GABRB2: variants seen among roughly 807,000 people sequenced by gnomAD.
GABRB2 encodes the protein gamma-aminobutyric acid type A receptor subunit beta2, also known as gamma-aminobutyric acid receptor subunit beta-2.
A neutral mutation model predicts 54.7 loss-of-function variants in GABRB2; 16 were observed. The observed-to-expected ratio is 0.29, with a 90% CI of 0.20 to 0.44. The LOEUF is 0.44. Ranked by LOEUF, GABRB2 falls within the 20% of genes least tolerant of loss-of-function variation. GABRB2 has a pLI of 1.00. For missense variants in GABRB2, 355 were observed against 644.0 expected (o/e 0.55, Z 4.86); for synonymous variants, 244 against 233.8 (o/e 1.04, Z -0.40).
chr5:161,512,761 C>T (rs1167887423), intron 3 of GABRB2, among the ~76,000 whole-genome samples: 1 of 151,902 alleles, frequency 6.6e-6, no homozygotes, highest in Non-Finnish European at 1.5e-5. Context: ...AAAGGATTGA[C>T]AGAGTAAACA....
At chr5:161,543,893 G>A (rs540564652) in intron 3 of GABRB2, among the ~76,000 whole-genome samples, 1 of 152,280 alleles carries the variant, frequency 6.6e-6, no homozygotes, top group African/African-American at 2.4e-5. Context: ...TATATTGCAT[G>A]TGATAAAAAC....
rs928501153 is a variant in GABRB2, at chr5:161,304,480, G to C, written c.1192-10052C>G. On this transcript the variant is annotated intron_variant, in intron 9 of 9. Transcript: ENST00000393959. ...AGTATTTCTTTTCCACACTGTGTAG[G>C]CCTTGCTGTGGCAACTTCTCTAGTA... is the stretch of plus-strand genomic sequence containing the variant. Among the ~76,000 whole-genome samples the C allele has an allele frequency of 4.3e-4, 65 of 152,122 alleles. 1 individual carries two copies. The highest frequency in any genetic ancestry group is 4.1e-3 in the Admixed American group (63 of 15,274).
chr5:161,334,218 TCTC>T lies in GABRB2; in HGVS notation c.832+531_832+533del, dbSNP rs1209816209. Among the ~76,000 whole-genome samples, 7 of 152,224 alleles carry T rather than the reference TCTC, an allele frequency of 4.6e-5. No homozygotes were observed. The South Asian group carries it at 8.3e-4, about 18-fold the overall frequency. On this transcript the variant is annotated intron_variant, in intron 7 of 9. Transcript: ENST00000393959. ...AAAATGTTCATGAAATGTAATTTAT[TCTC>T]CTTTTGTGTTTGTTAGAAAAAAACA...
intron 5 of GABRB2, among the ~76,000 whole-genome samples, chr5:161,407,089 A>G (rs1448270270): frequency 2.6e-5 from 4 of 152,132 alleles, no homozygotes; most frequent in Non-Finnish European, 5.9e-5. Context: ...TGAGCAGCTT[A>G]GTTTAGAGAA....
Position 161,291,177 on chromosome 5 carries a change from T to A in GABRB2, c.*2904A>T, listed in dbSNP as rs751347153. ...TTGAGATCAAAGATTTCATGTAGAC[T>A]GTGCATTTTAGAGTCAGAATTTGTC... On this transcript the variant is annotated 3_prime_UTR_variant, in exon 10 of 10. Coordinates refer to ENST00000393959, the MANE Select transcript of GABRB2 (RefSeq NM_001371727.1). The A allele has an allele frequency of 1.2e-4, 19 of 152,560 alleles. No individual in the cohort carries two copies. Among genetic ancestry groups the A allele is most frequent in the Non-Finnish European group, 2.1e-4 (14 of 68,004 alleles). 9.5% of individuals were successfully genotyped at this position (152,560 alleles called of 1,614,324 possible). A position where few individuals can be genotyped will look rare whatever the true frequency, so the allele number is the denominator to read the frequency against.
At chr5:161,447,031 G>A (rs1176710740) in intron 4 of GABRB2, among the ~76,000 whole-genome samples, 1 of 152,100 alleles carries the variant, frequency 6.6e-6, no homozygotes, top group African/African-American at 2.4e-5. Flanking sequence ...GTCAAGGCTG[G>A]TACCAGCAGT....
chr5:161,298,352 C>A lies in GABRB2; in HGVS notation c.1192-3924G>T, dbSNP rs1297077817. On this transcript the variant is annotated intron_variant, in intron 9 of 9. Transcript: ENST00000393959. ...GCATTTTAATCATGAAATCTTTGCC[C>A]GTGCCTATATTATTTACTTTATTTC... Among the ~76,000 whole-genome samples the A allele has an allele frequency of 2.0e-5, 3 of 152,036 alleles. No individual in the cohort carries two copies. The South Asian group carries it at 6.2e-4, about 32-fold the overall frequency.
rs147403209 is a variant in GABRB2 at position 161,402,710 on chromosome 5, G to A, written c.541+8265C>T. On this transcript the variant is annotated intron_variant, in intron 5 of 9. Transcript: ENST00000393959. ...TGCACCAGCAGTATCTGTATGGCCT[G>A]GGAATTTGTTAGAAATGCACATTCT... Among the ~76,000 whole-genome samples, 611 of 152,246 alleles carry A rather than the reference G, an allele frequency of 4.0e-3. 5 individuals are homozygous for A. Among genetic ancestry groups the A allele is most frequent in the African/African-American group, 0.013 (531 of 41,548 alleles).
At chr5:161,337,429 C>G (rs1378043998) in intron 5 of GABRB2, among the ~76,000 whole-genome samples, 1 of 152,072 alleles carries the variant, frequency 6.6e-6, no homozygotes, top group Admixed American at 6.6e-5. Flanking sequence ...AACATTAACT[C>G]CAATCACTTT....
intron 5 of GABRB2, among the ~76,000 whole-genome samples, chr5:161,394,627 G>T (rs935302507): frequency 3.3e-5 from 5 of 151,998 alleles, no homozygotes; most frequent in African/African-American, 1.2e-4. Flanking sequence ...GAACTAAAAT[G>T]TACTAAACTA....
chr5:161,482,734 C>T (rs1581023386), intron 3 of GABRB2, among the ~76,000 whole-genome samples: 3 of 152,066 alleles, frequency 2.0e-5, no homozygotes, highest in Admixed American at 2.0e-4. Flanking sequence ...ATATATAATG[C>T]AGAAGTTTGA....
chr5:161,350,112 T>C (rs1754430198), intron 5 of GABRB2, among the ~76,000 whole-genome samples: 1 of 152,224 alleles, frequency 6.6e-6, no homozygotes, highest in African/African-American at 2.4e-5. Context: ...TTCTACTTAA[T>C]GGAGAAAAGT....
intron 3 of GABRB2, among the ~76,000 whole-genome samples, chr5:161,540,244 A>G (rs1051797305): frequency 1.3e-5 from 2 of 152,206 alleles, no homozygotes; most frequent in African/African-American, 4.8e-5. Flanking sequence ...TGTCACTTCA[A>G]CAATGTTCAC....
chr5:161,365,485 A>G (rs1458887721), intron 5 of GABRB2, among the ~76,000 whole-genome samples: 2 of 152,186 alleles, frequency 1.3e-5, no homozygotes, highest in Non-Finnish European at 2.9e-5. Flanking sequence ...TATGGGGTAC[A>G]TAGTGATGTT....
At chr5:161,389,535 T>C (rs1580942248) in intron 5 of GABRB2, among the ~76,000 whole-genome samples, 2 of 151,542 alleles carry the variant, frequency 1.3e-5, no homozygotes, top group African/African-American at 4.8e-5. Context: ...ATATAAAATG[T>C]GTATGTGGCC....
intron 4 of GABRB2, among the ~76,000 whole-genome samples, chr5:161,429,882 T>C (rs1422394381): frequency 6.6e-6 from 1 of 152,150 alleles, no homozygotes; most frequent in Non-Finnish European, 1.5e-5. Flanking sequence ...TCCATCTAGA[T>C]AAGGTATCAA....
At chr5:161,403,275 G>A (rs1038449514) in intron 5 of GABRB2, among the ~76,000 whole-genome samples, 7 of 152,152 alleles carry the variant, frequency 4.6e-5, no homozygotes, top group African/African-American at 1.7e-4. Flanking sequence ...AGGAGTGAGA[G>A]TGAAATAATC....
At chr5:161,539,724 A>G (rs923761814) in intron 3 of GABRB2, among the ~76,000 whole-genome samples, 22 of 152,176 alleles carry the variant, frequency 1.4e-4, no homozygotes, top group Non-Finnish European at 1.0e-4. Context: ...TACCACAGAA[A>G]GATACTGCTG....
intron 4 of GABRB2, among the ~76,000 whole-genome samples, chr5:161,416,261 A>G (rs955354333): frequency 1.3e-5 from 2 of 152,150 alleles, no homozygotes; most frequent in Non-Finnish European, 2.9e-5. Flanking sequence ...TTTGGATATG[A>G]CATCTGGATC....
Sources: allele counts gnomAD v4.1 joint callset (sites outside exome capture counted in the v4.1 genomes callset), GRCh38; gene constraint gnomAD v4.1.1; transcripts MANE v1.5; gene names NCBI Gene and HGNC (gene_info 2026-07-23, HGNC 2026-07-21).